CIZ1: variants seen among roughly 807,000 people sequenced by gnomAD.
The protein encoded by CIZ1 is CDKN1A interacting zinc finger protein 1, also known as cip1-interacting zinc finger protein.
A neutral mutation model predicts 118.6 loss-of-function variants in CIZ1; 58 were observed. That is an observed-to-expected ratio of 0.49 (90% confidence interval 0.40 to 0.61). The LOEUF (loss-of-function observed/expected upper bound fraction) is 0.61. Among genes scored for constraint, CIZ1 ranks in the 20% least tolerant of loss-of-function variants. The pLI, the probability that CIZ1 is intolerant of heterozygous loss-of-function variation, is 0.00. For synonymous variants in CIZ1, 448 were observed against 443.4 expected (o/e 1.01, Z -0.13); for missense variants, 921 against 1,115.9 (o/e 0.83, Z 2.49).
rs866370286 is a variant in CIZ1, at chr9:128,178,424, G to A, written c.1565C>T (p.Ser522Leu). 5 of 1,613,948 alleles carry A rather than the reference G, an allele frequency of 3.1e-6. No homozygotes were observed. Among genetic ancestry groups the A allele is most frequent in the African/African-American group, 1.3e-5 (1 of 74,944 alleles). Residue 522 changes from serine (S) to leucine (L), a missense_variant, in exon 9 of 17, where the codon TCG becomes TTG. Transcript: ENST00000372938. ...TTCTCCCACATCTAGGCCACAGGCCGACTCATTCTGAATCTCTTCCATGCT... is the reference window on the plus strand; with the variant it reads ...TTCTCCCACATCTAGGCCACAGGCCAACTCATTCTGAATCTCTTCCATGCT... ...QVSMEEIQNESACGLDVGECE... is the reference protein window; with the variant it reads ...QVSMEEIQNELACGLDVGECE...
Position 128,191,389 on chromosome 9 carries a change from T to C in CIZ1, c.-6+43A>G. 1.3e-6 allele frequency: 1 copy of C among 767,524 alleles called. No individual in the cohort carries two copies. The highest frequency in any genetic ancestry group is 1.6e-6 in the Non-Finnish European group (1 of 628,864). The allele number at this position is 767,524 out of a possible 1,614,324, so 47.5% of individuals were successfully genotyped here. A position where few individuals can be genotyped will look rare whatever the true frequency, so the allele number is the denominator to read the frequency against. On this transcript the variant is annotated intron_variant, in intron 1 of 16. Transcript: ENST00000372938. The surrounding 1 kb of genome is among the most constrained non-coding windows in gnomAD (Gnocchi z 5.5). Reference sequence around the variant, plus strand: ...CGCCTCCTCCGCAGACACAGCCAGCTCGCAGGCGGAGCCCCACGACCCAGC... The same window carrying C: ...CGCCTCCTCCGCAGACACAGCCAGCCCGCAGGCGGAGCCCCACGACCCAGC...
In CIZ1 at chr9:128,178,880, C is replaced by A; in HGVS notation, c.1327G>T (p.Val443Phe). The A allele has an allele frequency of 6.2e-7, 1 of 1,614,232 alleles. No individual in the cohort carries two copies. Among genetic ancestry groups the A allele is most frequent in the Non-Finnish European group, 8.5e-7 (1 of 1,180,036 alleles). ...GCTGGAGGATGCTCCTGTGGCTGGACGCTTGGCTGTGCCTGTGTGTGGACC... is the reference window on the plus strand; with the variant it reads ...GCTGGAGGATGCTCCTGTGGCTGGAAGCTTGGCTGTGCCTGTGTGTGGACC... ...PQVHTQAQPS[V>F]QPQEHPPAQV... The change falls in exon 8 of 17, where the codon GTC becomes TTC. Residue 443 changes from valine to phenylalanine, a missense_variant. Physicochemically the swap from Val to Phe is conservative, Grantham distance 50 (BLOSUM62 -1). Transcript: ENST00000372938.
intron 1 of CIZ1, 29 bp from the exon 2 acceptor site, chr9:128,190,891 G>C: frequency 6.6e-7 from 1 of 1,517,140 alleles, no homozygotes; most frequent in Non-Finnish European, 8.8e-7. Context: ...GTGAGGCAAG[G>C]GGTCCCCACC....
At position 128,178,110 on chromosome 9, in the gene CIZ1, G is replaced by A. The variant is rs528676138; in HGVS notation, c.1620+259C>T. 1.1e-4 allele frequency among the ~76,000 whole-genome samples: 16 copies of A among 152,226 alleles called. 1 individual carries two copies. The South Asian group carries it at 2.9e-3, about 28-fold the overall frequency. ...TCCACGAGAGCAACATTACCCATGC[G>A]AGGAGACTGGGGCTCTGGCTTGGGG... On this transcript the variant is annotated intron_variant, in intron 9 of 16. Coordinates refer to ENST00000372938, the MANE Select transcript of CIZ1 (RefSeq NM_001131016.2).
rs924103203 is a variant in CIZ1, at chr9:128,181,775, G to C, written c.589-961C>G. Among the ~76,000 whole-genome samples, 37 of 150,192 alleles carry C rather than the reference G, an allele frequency of 2.5e-4. 1 individual carries two copies. Among genetic ancestry groups the C allele is most frequent in the African/African-American group, 6.3e-4 (26 of 41,082 alleles). ...CAGACCAGGAAAGGCGGGGGGGGGG[G>C]GGGGGTCTCCCTTTCCCCGAGGGAG... On this transcript the variant is annotated intron_variant, in intron 5 of 16. Transcript: ENST00000372938.
At chr9:128,169,733 G>A (rs767552968) in intron 12 of CIZ1, 11 of 1,525,636 alleles carry the variant, frequency 7.2e-6, no homozygotes, top group Non-Finnish European at 8.8e-6. Context: ...GCAACACAGA[G>A]ACAGGACAGA....
At chr9:128,190,146 C>T (rs1832947677) in intron 3 of CIZ1, among the ~76,000 whole-genome samples, 183 bp downstream of exon 3, 2 of 152,218 alleles carry the variant, frequency 1.3e-5, no homozygotes, top group South Asian at 2.1e-4. Context: ...TCAGACAGAT[C>T]TGCATTCAAA....
At position 128,203,480 on chromosome 9, in the gene CIZ1, C is replaced by A; in HGVS notation, c.-6+706G>T. The A allele has an allele frequency of 2.0e-6, 3 of 1,511,432 alleles. No individual in the cohort carries two copies. Among genetic ancestry groups the A allele is most frequent in the Non-Finnish European group, 2.6e-6 (3 of 1,132,140 alleles). 93.6% of individuals were successfully genotyped at this position (1,511,432 alleles called of 1,614,324 possible). A position where few individuals can be genotyped will look rare whatever the true frequency, so the allele number is the denominator to read the frequency against. On this transcript the variant is annotated intron_variant, in intron 1 of 17. Transcript: ENST00000372948. This position sits in a 1 kb window ranked among gnomAD's most constrained non-coding sequence, Gnocchi z 5.3. ...GGGGCCCGCCGCAGCCATGGGCAACCGCGGCATGGAAGATCTCATCCCGCT... is the reference window on the plus strand; with the variant it reads ...GGGGCCCGCCGCAGCCATGGGCAACAGCGGCATGGAAGATCTCATCCCGCT...
At position 128,189,590 on chromosome 9, in the gene CIZ1, C is replaced by T. The variant is rs565321249; in HGVS notation, c.286+739G>A. Among the ~76,000 whole-genome samples, 11 of 151,990 alleles carry T rather than the reference C, an allele frequency of 7.2e-5. 1 individual carries two copies. The South Asian group carries it at 1.7e-3, about 23-fold the overall frequency. On this transcript the variant is annotated intron_variant, in intron 3 of 16. Coordinates refer to ENST00000372938, the MANE Select transcript of CIZ1 (RefSeq NM_001131016.2). ...ATCCCAGCAATTTGGGAGGCCAAGG[C>T]GGGTGGATCACCTGAGGTCAGGAGT...
intron 13 of CIZ1, 77 bp from the exon 14 acceptor site, chr9:128,169,278 C>T (rs1295588307): frequency 1.1e-5 from 15 of 1,394,022 alleles, no homozygotes; most frequent in Middle Eastern, 1.8e-4. Flanking sequence ...CCCACCCCTC[C>T]CCTGAGAGTC....
At chr9:128,177,533 A>AC in intron 10 of CIZ1, 33 bp downstream of exon 10, 26 of 281,976 alleles carry the variant, frequency 9.2e-5, no homozygotes, top group East Asian at 2.9e-4. Flanking sequence ...CGCAGGCCCC[A>AC]CCCCTCCCCA....
At position 128,179,215 on chromosome 9, in the gene CIZ1, G is replaced by A. The variant is rs555467236; in HGVS notation, c.992C>T (p.Pro331Leu). Residue 331 changes from proline to leucine, a missense_variant, in exon 8 of 17, where the codon CCA (proline) becomes CTA (leucine). Coordinates refer to ENST00000372938, the MANE Select transcript of CIZ1 (RefSeq NM_001131016.2). ...QVQSQTQPRI[P>L]STDTQVQPKL... ...TGGCTGCACCTGGGTGTCTGTGGAT[G>A]GTATCCGCGGCTGAGTCTGTGACTG... 6.2e-7 allele frequency: 1 copy of A among 1,614,056 alleles called. No individual in the cohort carries two copies. Among genetic ancestry groups the A allele is most frequent in the East Asian group, 2.2e-5 (1 of 44,890 alleles).
intron 12 of CIZ1, 197 bp downstream of exon 12, chr9:128,169,823 G>A: frequency 8.9e-7 from 1 of 1,120,486 alleles, no homozygotes; most frequent in Non-Finnish European, 1.3e-6. Flanking sequence ...GTGAGATGGG[G>A]CCTGGCCTAC....
chr9:128,190,317 G>A lies in CIZ1; in HGVS notation c.286+12C>T. On this transcript the variant is annotated intron_variant, in intron 3 of 16. Transcript: ENST00000372938. ...TAAAAGAGACTGAGAAGAGGCCTGG[G>A]GCCATCCATACCTTGCAACTGCTGT... 6.3e-7 allele frequency: 1 copy of A among 1,589,054 alleles called. No homozygotes were observed. The highest frequency in any genetic ancestry group is 8.6e-7 in the Non-Finnish European group (1 of 1,158,290).
intron 11 of CIZ1, 80 bp downstream of exon 11, chr9:128,176,271 C>T: frequency 1.3e-6 from 2 of 1,559,108 alleles, no homozygotes; most frequent in Admixed American, 3.5e-5. Flanking sequence ...CAAAGGTAAA[C>T]CCTGCAGATG....
chr9:128,167,092 T>C lies in CIZ1; in HGVS notation c.2365+3A>G. The C allele has an allele frequency of 6.3e-7, 1 of 1,596,602 alleles. No individual in the cohort carries two copies. The highest frequency in any genetic ancestry group is 8.5e-7 in the Non-Finnish European group (1 of 1,170,846). On this transcript the variant is annotated splice_donor_region_variant and intron_variant, in intron 15 of 16. Coordinates refer to ENST00000372938, the MANE Select transcript of CIZ1 (RefSeq NM_001131016.2). ...GCAGGTGGGCTCAGAGCTGGGGCCT[T>C]ACCATATGCAGTATTGGGGCTGTAG...
chr9:128,169,762 G>A lies in CIZ1; in HGVS notation c.2032-243C>T, dbSNP rs944071383. 6 of 1,495,598 alleles carry A rather than the reference G, an allele frequency of 4.0e-6. No individual in the cohort carries two copies. In the African/African-American group the frequency reaches 5.5e-5, roughly 14 times the overall value. 92.6% of individuals were successfully genotyped at this position (1,495,598 alleles called of 1,614,324 possible). Reference sequence around the variant, plus strand: ...GGACAGACACAGAGAGAAGACGAGAGAGAGGGCAGCTGCCCAAATAACCCC... The same window carrying A: ...GGACAGACACAGAGAGAAGACGAGAAAGAGGGCAGCTGCCCAAATAACCCC... On this transcript the variant is annotated intron_variant, in intron 12 of 16. Transcript: ENST00000372938.
chr9:128,197,350 A>G (rs1045038321), intron 1 of CIZ1: 1 of 152,404 alleles, frequency 6.6e-6, no homozygotes. Context: ...GGCACCCAGC[A>G]TAGGCCATAA....
Position 128,166,268 on chromosome 9 carries a change from T to C in CIZ1, c.2626A>G (p.Thr876Ala), listed in dbSNP as rs1042230806. The C allele has an allele frequency of 3.9e-6, 6 of 1,551,952 alleles. No homozygotes were observed. In the Admixed American group the frequency reaches 1.1e-4, roughly 29 times the overall value. Residue 876 changes from threonine (T) to alanine (A), a missense_variant, in exon 17 of 17, where the codon ACA (threonine) becomes GCA (alanine). By Grantham distance (58) the Thr-to-Ala change is moderately conservative. Transcript: ENST00000372938. This position sits in a 1 kb window ranked among gnomAD's most constrained non-coding sequence, Gnocchi z 4.4. ...PPSQPNTQDK[T>A]PSKVTARPSQ... ...GGTCGAGCCGTCACCTTGCTGGGTG[T>C]TTTGTCCTGGGTGTTGGGCTGGGAG... is the stretch of plus-strand genomic sequence containing the variant.
Sources: allele counts gnomAD v4.1 joint callset (sites outside exome capture counted in the v4.1 genomes callset), GRCh38; gene constraint gnomAD v4.1.1; non-coding constraint Gnocchi (gnomAD v3.1); transcripts MANE v1.5; gene names NCBI Gene and HGNC (gene_info 2026-07-23, HGNC 2026-07-21).